ARHGEF4: variants seen among roughly 807,000 people sequenced by gnomAD.
ARHGEF4 encodes the protein APC-stimulated guanine nucleotide exchange factor 1.
A neutral mutation model predicts 162.0 loss-of-function variants in ARHGEF4; 119 were observed. The ratio of observed to expected loss-of-function variants is 0.73; its 90% CI spans 0.63 to 0.86. The LOEUF is 0.86. Ranked by LOEUF, ARHGEF4 falls within the 40% of genes least tolerant of loss-of-function variation. The probability of loss-of-function intolerance (pLI) is 0.00; values close to 1 mark genes in which losing one functional copy is unlikely to be tolerated. For synonymous variants in ARHGEF4, 1,014 were observed against 979.9 expected (o/e 1.03, Z -0.65); for missense variants, 2,488 against 2,456.0 (o/e 1.01, Z -0.28).
intron 5 of ARHGEF4, chr2:131,035,203 G>A (rs1405606360): frequency 6.9e-5 from 85 of 1,223,966 alleles, no homozygotes; most frequent in Non-Finnish European, 8.5e-5. Context: ...GGTCTCCGCC[G>A]TGCTGGCGCT....
intron 2 of ARHGEF4, among the ~76,000 whole-genome samples, chr2:130,929,408 C>T (rs544319977): frequency 6.6e-6 from 1 of 152,236 alleles, no homozygotes; most frequent in African/African-American, 2.4e-5. Flanking sequence ...CATATGTATA[C>T]ATTTTTAATT....
chr2:131,035,565 G>A (rs1247720736), intron 5 of ARHGEF4: 4 of 730,360 alleles, frequency 5.5e-6, no homozygotes, highest in Admixed American at 1.2e-4. Flanking sequence ...GGGGCTCCCC[G>A]GCTGCTTGTC....
chr2:131,011,622 T>G (rs1688456005), intron 4 of ARHGEF4: 1 of 1,530,828 alleles, frequency 6.5e-7, no homozygotes, highest in Admixed American at 2.0e-5. Flanking sequence ...TCCTGGTAGC[T>G]TCTCTCAAAA....
intron 4 of ARHGEF4, among the ~76,000 whole-genome samples, chr2:130,950,147 C>A (rs1399489896): frequency 6.6e-6 from 1 of 152,216 alleles, no homozygotes; most frequent in Non-Finnish European, 1.5e-5. Flanking sequence ...GTGATGAATG[C>A]CATGAGTCAG....
intron 11 of ARHGEF4, 123 bp downstream of exon 11, chr2:131,043,706 A>T: frequency 1.5e-6 from 2 of 1,342,580 alleles, no homozygotes; most frequent in Non-Finnish European, 2.0e-6. Flanking sequence ...GCCTGGCCAG[A>T]CCCTTGGGGC....
At chr2:130,864,101 G>C (rs889098154) in intron 1 of ARHGEF4, among the ~76,000 whole-genome samples, 1 of 151,646 alleles carries the variant, frequency 6.6e-6, no homozygotes, top group African/African-American at 2.4e-5. Flanking sequence ...CAGAAGAATG[G>C]TGTGAACCCG....
intron 4 of ARHGEF4, among the ~76,000 whole-genome samples, chr2:131,023,383 T>C (rs1689270867): frequency 1.3e-5 from 2 of 151,998 alleles, no homozygotes; most frequent in Admixed American, 6.6e-5. Flanking sequence ...CAGTGAGCCA[T>C]GATCATGCCC....
rs187633498 is a variant in ARHGEF4, at chr2:130,953,176, C to A, written c.3985+6541C>A. Among the ~76,000 whole-genome samples the A allele has an allele frequency of 2.2e-3, 337 of 152,198 alleles. 2 individuals carry two copies. Among genetic ancestry groups the A allele is most frequent in the African/African-American group, 7.7e-3 (318 of 41,516 alleles). On this transcript the variant is annotated intron_variant, in intron 4 of 13. Transcript: ENST00000409359. Reference sequence around the variant, plus strand: ...AAAGTATACTACAAGTCTACAGTAACCAAAACAGCATGGTACTGGTACCAA... The same window carrying A: ...AAAGTATACTACAAGTCTACAGTAAACAAAACAGCATGGTACTGGTACCAA...
intron 1 of ARHGEF4, among the ~76,000 whole-genome samples, chr2:130,871,531 C>A (rs916562962): frequency 6.7e-6 from 1 of 149,916 alleles, no homozygotes; most frequent in East Asian, 1.9e-4. Context: ...AGCAAAACTC[C>A]GTCTCAAAAA....
chr2:131,033,084 C>A (rs775601199), intron 5 of ARHGEF4, among the ~76,000 whole-genome samples: 22 of 152,042 alleles, frequency 1.4e-4, no homozygotes, highest in Non-Finnish European at 2.9e-4. Flanking sequence ...AACTCCTGAG[C>A]TCAAGCGATC....
chr2:130,950,693 A>AC lies in ARHGEF4; in HGVS notation c.3985+4060dup, dbSNP rs1411949488. ...TCTGTACCTTTAGCTATTACCCCCC[A>AC]CCACCACCCGAAGGAACCACTTATC... On this transcript the variant is annotated intron_variant, in intron 4 of 13. Transcript: ENST00000409359. 5.7e-4 allele frequency among the ~76,000 whole-genome samples: 80 copies of AC among 141,008 alleles called. 1 individual carries two copies. Among genetic ancestry groups the AC allele is most frequent in the Non-Finnish European group, 8.3e-4 (54 of 65,328 alleles). 92.5% of individuals were successfully genotyped at this position (141,008 alleles called of 152,430 possible).
chr2:131,038,864 T>C lies in ARHGEF4; in HGVS notation c.4137T>C (p.Asp1379=). The C allele has an allele frequency of 3.1e-6, 5 of 1,608,594 alleles. No individual in the cohort carries two copies. Among genetic ancestry groups the C allele is most frequent in the Non-Finnish European group, 4.2e-6 (5 of 1,177,114 alleles). ...EQLAINELIS[D]GSVVCAEALW... ...GGCTCTCTCGGCAGCTCATCAGCGA[T>C]GGCAGTGTGGTCTGCGCTGAAGCAC... The change falls in exon 6 of 14, where the codon GAT becomes GAC. Residue 1379 remains aspartate, a synonymous_variant. Transcript: ENST00000409359.
At chr2:130,950,692 C>CCCCT (rs1558760106) in intron 4 of ARHGEF4, among the ~76,000 whole-genome samples, 1 of 143,300 alleles carries the variant, frequency 7.0e-6, no homozygotes, top group Non-Finnish European at 1.5e-5. Context: ...TATTACCCCC[C>CCCCT]ACCACCACCC....
chr2:131,003,398 C>T (rs375762189), intron 4 of ARHGEF4, among the ~76,000 whole-genome samples: 7 of 152,316 alleles, frequency 4.6e-5, no homozygotes, highest in East Asian at 3.9e-4. Flanking sequence ...CCTTCTTGAT[C>T]GTGACACGCA....
chr2:131,005,244 G>A (rs1212600334), intron 4 of ARHGEF4, among the ~76,000 whole-genome samples: 1 of 152,200 alleles, frequency 6.6e-6, no homozygotes, highest in Non-Finnish European at 1.5e-5. Flanking sequence ...TGACTTGACT[G>A]TGTCCTGTGA....
chr2:130,855,263 A>G (rs1052345825), intron 1 of ARHGEF4, among the ~76,000 whole-genome samples: 6 of 151,940 alleles, frequency 3.9e-5, no homozygotes, highest in African/African-American at 1.4e-4. Flanking sequence ...GTGGGGAGCA[A>G]CTAAGAGGAA....
chr2:131,024,308 C>A (rs778257524), intron 4 of ARHGEF4, among the ~76,000 whole-genome samples: 8 of 152,194 alleles, frequency 5.3e-5, no homozygotes, highest in Non-Finnish European at 1.2e-4. Flanking sequence ...CAGAATCTTG[C>A]TCCATCGCCC....
Position 130,931,234 on chromosome 2 carries a change from G to C in ARHGEF4, c.3835G>C (p.Ala1279Pro), listed in dbSNP as rs976355206. ...CGTCGAAAGGAGGCTGCACATAGGG[G>C]CAGTGCACAAAGATGGAGTCAAGGT... ...AHVERRLHIG[A>P]VHKDGVKCWR... The change falls in exon 3 of 14, where the codon GCA becomes CCA. Residue 1279 changes from alanine (A) to proline (P), a missense_variant. By Grantham distance (27) the Ala-to-Pro change is conservative. Coordinates refer to ENST00000409359, the MANE Select transcript of ARHGEF4 (RefSeq NM_001367493.1). 3.7e-6 allele frequency: 6 copies of C among 1,610,876 alleles called. No homozygotes were observed. The highest frequency in any genetic ancestry group is 4.2e-6 in the Non-Finnish European group (5 of 1,177,842).
chr2:130,898,547 G>A (rs1574185911), intron 1 of ARHGEF4, among the ~76,000 whole-genome samples: 1 of 152,156 alleles, frequency 6.6e-6, no homozygotes, highest in East Asian at 1.9e-4. Context: ...TCTGGACTGA[G>A]AGGGCTTCCT....
Sources: gnomAD v4.1 joint callset for allele counts (sites outside exome capture counted in the v4.1 genomes callset) on GRCh38, gnomAD v4.1.1 for gene constraint, MANE v1.5 for transcripts, NCBI Gene and HGNC (gene_info 2026-07-23, HGNC 2026-07-21) for gene names.